OR2T6: variants seen among roughly 807,000 people sequenced by gnomAD.
OR2T6 encodes olfactory receptor 2T6.
For synonymous variants in OR2T6, 174 were observed against 148.0 expected, an observed-to-expected ratio of 1.18 and a Z score of -1.27; for missense variants, 424 against 391.6, an observed-to-expected ratio of 1.08 and a Z score of -0.70.
intron 1 of OR2T6, among the ~76,000 whole-genome samples, chr1:248,382,069 A>C (rs894566355): frequency 2.6e-5 from 4 of 152,244 alleles, no homozygotes; most frequent in African/African-American, 9.6e-5. Flanking sequence ...ATACAAAAGT[A>C]ATTTCAGTAT....
rs769417580 is a variant in OR2T6 at position 248,389,632 on chromosome 1, T to C, written c.*1097T>C. ...AAAAGCCACCATGAGCTACATAGAG[T>C]TCCCAAGGGGGCAACTCTCCTTAGT... On this transcript the variant is annotated 3_prime_UTR_variant, in exon 3 of 3. Coordinates refer to ENST00000641644, the MANE Select transcript of OR2T6 (RefSeq NM_001005471.2). 1.3e-5 allele frequency: 2 copies of C among 152,152 alleles called. No homozygotes were observed. Among genetic ancestry groups the C allele is most frequent in the Non-Finnish European group, 2.9e-5 (2 of 68,016 alleles). 9.4% of individuals were successfully genotyped at this position (152,152 alleles called of 1,614,324 possible). A position where few individuals can be genotyped will look rare whatever the true frequency, so the allele number is the denominator to read the frequency against.
chr1:248,377,464 C>T (rs1167269288), intron 1 of OR2T6, among the ~76,000 whole-genome samples: 1 of 152,166 alleles, frequency 6.6e-6, no homozygotes, highest in Admixed American at 6.5e-5. Flanking sequence ...TGACTCTACC[C>T]TCAAAGAGCT....
At position 248,388,156 on chromosome 1, in the gene OR2T6, C is replaced by T. The variant is rs760017145; in HGVS notation, c.548C>T (p.Thr183Ile). 3 of 1,613,904 alleles carry T rather than the reference C, an allele frequency of 1.9e-6. No individual in the cohort carries two copies. Among genetic ancestry groups the T allele is most frequent in the East Asian group, 2.2e-5 (1 of 44,800 alleles). Residue 183 changes from threonine (T) to isoleucine (I), a missense_variant, in exon 3 of 3, where the codon ACC (threonine) becomes ATC (isoleucine). Physicochemically the swap from Thr to Ile is moderately conservative, Grantham distance 89. Transcript: ENST00000641644. Reference sequence around the variant, plus strand: ...AATCACTTTTTCTGTGAGGCACCCACCATGCTGAGGCTGGCCTGTGGGGAC... The same window carrying T: ...AATCACTTTTTCTGTGAGGCACCCATCATGCTGAGGCTGGCCTGTGGGGAC... ...QINHFFCEAP[T>I]MLRLACGDKT...
chr1:248,379,318 G>A (rs1660993363), intron 1 of OR2T6, among the ~76,000 whole-genome samples: 1 of 152,192 alleles, frequency 6.6e-6, no homozygotes, highest in South Asian at 2.1e-4. Flanking sequence ...AGTGACCTGA[G>A]ACCTGGGTCT....
intron 1 of OR2T6, among the ~76,000 whole-genome samples, chr1:248,377,200 G>A (rs1207630073): frequency 2.0e-5 from 3 of 152,194 alleles, no homozygotes; most frequent in Non-Finnish European, 4.4e-5. Flanking sequence ...TCTGGACTGC[G>A]TCATTAGCTT....
rs773197375 is a variant in OR2T6 at position 248,382,532 on chromosome 1, C to CTTTTTTTTTTTTTTTTTTTTTTTT, written c.-158-2176_-158-2175insTTTTTTTTTTTTTTTTTTTTTTTT. Among the ~76,000 whole-genome samples, 5 of 117,288 alleles carry CTTTTTTTTTTTTTTTTTTTTTTTT rather than the reference C, an allele frequency of 4.3e-5. 2 individuals are homozygous for CTTTTTTTTTTTTTTTTTTTTTTTT. The allele number at this position is 117,288 out of a possible 152,430, so 76.9% of individuals were successfully genotyped here. On this transcript the variant is annotated intron_variant, in intron 1 of 2. Transcript: ENST00000641644. The stretch of plus-strand genomic sequence containing the variant: ...CAATACTCCATGTCTACCTTTCTTT[C>CTTTTTTTTTTTTTTTTTTTTTTTT]TTTCTTTTTTTTTTTTTTTAGATGG...
Position 248,388,550 on chromosome 1 carries a change from G to T in OR2T6, c.*15G>T, listed in dbSNP as rs1449072493. ...CAAGATGTTAGGGGACATGTGGTGT[G>T]ATGAGGAAAGAATTCTGATGGTCTA... On this transcript the variant is annotated 3_prime_UTR_variant, in exon 3 of 3. Transcript: ENST00000641644. The T allele has an allele frequency of 1.3e-6, 2 of 1,534,180 alleles. No homozygotes were observed. Among genetic ancestry groups the T allele is most frequent in the African/African-American group, 2.8e-5 (2 of 72,452 alleles).
chr1:248,385,258 G>A (rs1661118888), intron 2 of OR2T6, among the ~76,000 whole-genome samples: 1 of 152,000 alleles, frequency 6.6e-6, no homozygotes, highest in Non-Finnish European at 1.5e-5. Context: ...GAGTCGCTAG[G>A]GTTCATCTTT....
intron 2 of OR2T6, among the ~76,000 whole-genome samples, chr1:248,386,869 A>G (rs138426677): frequency 5.2e-4 from 79 of 152,330 alleles, no homozygotes; most frequent in African/African-American, 1.8e-3. Flanking sequence ...CCTTATTTGC[A>G]TTACCTGGAA....
At chr1:248,386,695 C>T (rs961966840) in intron 2 of OR2T6, among the ~76,000 whole-genome samples, 1 of 152,218 alleles carries the variant, frequency 6.6e-6, no homozygotes, top group South Asian at 2.1e-4. Flanking sequence ...TCATCACTTG[C>T]AATTCTCTTC....
intron 1 of OR2T6, among the ~76,000 whole-genome samples, chr1:248,379,260 C>T (rs747839010): frequency 6.6e-6 from 1 of 152,128 alleles, no homozygotes; most frequent in East Asian, 1.9e-4. Flanking sequence ...TATGCTGGGG[C>T]ATTTGACATT....
At chr1:248,387,531 C>T in intron 2 of OR2T6, 74 bp from the exon 3 acceptor site, 2 of 916,432 alleles carry the variant, frequency 2.2e-6, no homozygotes, top group Non-Finnish European at 1.6e-6. Flanking sequence ...TTTACACAGA[C>T]ATGTTTAAGT....
chr1:248,388,553 G>A lies in OR2T6; in HGVS notation c.*18G>A, dbSNP rs774490641. ...GATGTTAGGGGACATGTGGTGTGAT[G>A]AGGAAAGAATTCTGATGGTCTAAAA... On this transcript the variant is annotated 3_prime_UTR_variant, in exon 3 of 3. Transcript: ENST00000641644. 6.5e-7 allele frequency: 1 copy of A among 1,533,510 alleles called. No homozygotes were observed. The highest frequency in any genetic ancestry group is 8.8e-7 in the Non-Finnish European group (1 of 1,140,670). The allele number at this position is 1,533,510 out of a possible 1,614,324, so 95.0% of individuals were successfully genotyped here.
Position 248,388,887 on chromosome 1 carries a change from A to C in OR2T6, c.*352A>C, listed in dbSNP as rs1538708. On this transcript the variant is annotated 3_prime_UTR_variant, in exon 3 of 3. Coordinates refer to ENST00000641644, the MANE Select transcript of OR2T6 (RefSeq NM_001005471.2). ...TATTCTGCCCATTTTCAATGGCTCC[A>C]TAAGAACTGGTGATTTTGACTATAT... 49,135 of 252,714 alleles carry C rather than the reference A, an allele frequency of 0.19. 5,435 individuals are homozygous for C. The highest frequency in any genetic ancestry group is 0.41 in the East Asian group (5,402 of 13,262). 15.7% of individuals were successfully genotyped at this position (252,714 alleles called of 1,614,324 possible).
At chr1:248,382,641 T>A (rs973612701) in intron 1 of OR2T6, among the ~76,000 whole-genome samples, 57 of 150,092 alleles carry the variant, frequency 3.8e-4, no homozygotes, top group African/African-American at 1.1e-3. Flanking sequence ...CAAGCGATCC[T>A]CCCACCTCAG....
At position 248,388,040 on chromosome 1, in the gene OR2T6, C is replaced by A; in HGVS notation, c.432C>A (p.Ile144=). Reference sequence around the variant, plus strand: ...TCAGCTGGCGGGTCTGCTGGATGATCCTGGCCAGCTCTTGGTTCGGTGGGG... The same window carrying A: ...TCAGCTGGCGGGTCTGCTGGATGATACTGGCCAGCTCTTGGTTCGGTGGGG... ...VLISWRVCWM[I]LASSWFGGAL... Residue 144 remains isoleucine (I), a synonymous_variant, in exon 3 of 3, where the codon ATC becomes ATA. Transcript: ENST00000641644. 2 of 1,613,880 alleles carry A rather than the reference C, an allele frequency of 1.2e-6. No homozygotes were observed. Among genetic ancestry groups the A allele is most frequent in the Non-Finnish European group, 1.7e-6 (2 of 1,179,916 alleles).
chr1:248,389,575 T>G lies in OR2T6; in HGVS notation c.*1040T>G, dbSNP rs1326451410. 2 of 152,144 alleles carry G rather than the reference T, an allele frequency of 1.3e-5. No homozygotes were observed. The highest frequency in any genetic ancestry group is 4.8e-5 in the African/African-American group (2 of 41,418). The allele number at this position is 152,144 out of a possible 1,614,324, so 9.4% of individuals were successfully genotyped here. A position where few individuals can be genotyped will look rare whatever the true frequency, so the allele number is the denominator to read the frequency against. The stretch of plus-strand genomic sequence containing the variant: ...CACAAATGCTTGTGTCTTTCCACAA[T>G]GTCAGGATTTTATTGATGCTGTTTC... On this transcript the variant is annotated 3_prime_UTR_variant, in exon 3 of 3. Coordinates refer to ENST00000641644, the MANE Select transcript of OR2T6 (RefSeq NM_001005471.2).
rs1661195797 is a variant in OR2T6 at position 248,388,689 on chromosome 1, A to G, written c.*154A>G. 2 of 516,586 alleles carry G rather than the reference A, an allele frequency of 3.9e-6. No homozygotes were observed. Among genetic ancestry groups the G allele is most frequent in the African/African-American group, 1.9e-5 (1 of 52,986 alleles). The allele number at this position is 516,586 out of a possible 1,614,324, so 32.0% of individuals were successfully genotyped here. The stretch of plus-strand genomic sequence containing the variant: ...TAAATGGTGTATCAACAGTACCCCC[A>G]TCAAAAATGGGAAGTTGCTGTAACA... On this transcript the variant is annotated 3_prime_UTR_variant, in exon 3 of 3. Coordinates refer to ENST00000641644, the MANE Select transcript of OR2T6 (RefSeq NM_001005471.2).
In OR2T6 at chr1:248,391,702, T is replaced by C. The variant is rs1661251145; in HGVS notation, c.*3167T>C. On this transcript the variant is annotated 3_prime_UTR_variant, in exon 3 of 3. Coordinates refer to ENST00000641644, the MANE Select transcript of OR2T6 (RefSeq NM_001005471.2). ...CTACACTAATGCCAGATGTTAACAA[T>C]AGGGAAAAGAGAGGGGATATATAAA... 1 of 152,134 alleles carries C rather than the reference T, an allele frequency of 6.6e-6. No homozygotes were observed. The allele number at this position is 152,134 out of a possible 1,614,324, so 9.4% of individuals were successfully genotyped here.
Sources: gnomAD v4.1 joint callset for allele counts (sites outside exome capture counted in the v4.1 genomes callset) on GRCh38, gnomAD v4.1.1 for gene constraint, MANE v1.5 for transcripts, NCBI Gene and HGNC (gene_info 2026-07-23, HGNC 2026-07-21) for gene names.